MORN1: variants seen among roughly 807,000 people sequenced by gnomAD.
MORN1 encodes MORN repeat containing 1, also known as MORN repeat-containing protein 1.
Under a neutral mutation model 61.9 loss-of-function variants are expected in MORN1, and 67 were observed. That is an observed-to-expected ratio of 1.08 (90% confidence interval 0.89 to 1.33). The LOEUF is 1.33. MORN1 is among the 40% of genes most tolerant of loss of function. The pLI is 0.00. For missense variants in MORN1, 752 were observed against 691.2 expected, an observed-to-expected ratio of 1.09 and a Z score of -0.99; for synonymous variants, 301 against 292.0, an observed-to-expected ratio of 1.03 and a Z score of -0.31.
chr1:2,334,871 C>T lies in MORN1; in HGVS notation c.1250+1598G>A, dbSNP rs553535814. Among the ~76,000 whole-genome samples, 32 of 152,212 alleles carry T rather than the reference C, an allele frequency of 2.1e-4. No homozygotes were observed. The highest frequency in any genetic ancestry group is 3.9e-4 in the African/African-American group (16 of 41,466). On this transcript the variant is annotated intron_variant, in intron 12 of 13. Coordinates refer to ENST00000378531, the MANE Select transcript of MORN1 (RefSeq NM_024848.3). The surrounding 1 kb of genome is among the most constrained non-coding windows in gnomAD (Gnocchi z 5.4). ...TAAGACGTTCCAACATCACCCTCAG[C>T]GCGGAGGTTGCCACGGTTCTGGAGC...
chr1:2,385,326 A>C, intron 5 of MORN1: 1 of 539,420 alleles, frequency 1.9e-6, no homozygotes, highest in Non-Finnish European at 3.3e-6. Context: ...CAAAATGGGA[A>C]ATGACCCAGG....
chr1:2,330,783 C>T (rs991376048), intron 12 of MORN1, among the ~76,000 whole-genome samples: 6 of 152,100 alleles, frequency 3.9e-5, no homozygotes, highest in African/African-American at 1.2e-4. Context: ...TGATGGGGCT[C>T]GGGTGGCCAC....
chr1:2,341,605 C>T (rs529567611), intron 10 of MORN1, among the ~76,000 whole-genome samples: 32 of 151,690 alleles, frequency 2.1e-4, no homozygotes, highest in Admixed American at 5.9e-4. Context: ...GCACGAGAAT[C>T]GCTTGAACAC....
intron 8 of MORN1, among the ~76,000 whole-genome samples, chr1:2,362,211 G>A (rs1047658510): frequency 1.3e-5 from 2 of 152,204 alleles, no homozygotes; most frequent in Non-Finnish European, 2.9e-5. Flanking sequence ...CAGCCTGGGC[G>A]ACAGAGCGAG....
At chr1:2,384,314 T>C (rs1318429833) in intron 6 of MORN1, among the ~76,000 whole-genome samples, 1 of 152,176 alleles carries the variant, frequency 6.6e-6, no homozygotes, top group Non-Finnish European at 1.5e-5. Context: ...CCTCCAAACA[T>C]CCTGAAATTT....
intron 6 of MORN1, among the ~76,000 whole-genome samples, chr1:2,379,643 G>A (rs2100354967): frequency 6.6e-6 from 1 of 152,282 alleles, no homozygotes; most frequent in East Asian, 1.9e-4. Flanking sequence ...GCGCAGTGGT[G>A]GCCACGGCTG....
intron 4 of MORN1, chr1:2,386,937 T>C (rs940446552): frequency 1.2e-5 from 2 of 160,276 alleles, no homozygotes; most frequent in African/African-American, 4.8e-5. Flanking sequence ...GCCAACAGAA[T>C]GTGGAGGAAG....
Position 2,358,637 on chromosome 1 carries a change from A to G in MORN1, c.824T>C (p.Phe275Ser). Residue 275 changes from phenylalanine to serine, a missense_variant, in exon 9 of 14, where the codon TTC becomes TCC. Phe to Ser is a radical substitution (Grantham distance 155). Coordinates refer to ENST00000378531, the MANE Select transcript of MORN1 (RefSeq NM_024848.3). ...CTCTTGGTTGTCTCTGTCCACTTTGAAAAAGTTGACCTCAGAGTAGGCTGA... is the reference window on the plus strand; with the variant it reads ...CTCTTGGTTGTCTCTGTCCACTTTGGAAAAGTTGACCTCAGAGTAGGCTGA... ...QLSAYSEVNF[F>S]KVDRDNQETL... The G allele has an allele frequency of 6.2e-7, 1 of 1,614,074 alleles. No individual in the cohort carries two copies. Among genetic ancestry groups the G allele is most frequent in the Non-Finnish European group, 8.5e-7 (1 of 1,179,988 alleles).
chr1:2,380,828 G>C (rs985936155), intron 6 of MORN1, among the ~76,000 whole-genome samples: 1 of 152,214 alleles, frequency 6.6e-6, no homozygotes, highest in Non-Finnish European at 1.5e-5. Context: ...AGTGCTGAGA[G>C]TACAGGTGTG....
At chr1:2,382,467 C>G (rs1642394802) in intron 6 of MORN1, among the ~76,000 whole-genome samples, 1 of 152,208 alleles carries the variant, frequency 6.6e-6, no homozygotes, top group South Asian at 2.1e-4. Context: ...GCCCAAGCTC[C>G]AGAGCTGTGC....
At chr1:2,324,299 G>A (rs912427136) in intron 12 of MORN1, among the ~76,000 whole-genome samples, 156 bp from the exon 13 acceptor site, 1 of 152,190 alleles carries the variant, frequency 6.6e-6, no homozygotes. Context: ...TGGGCAGGAC[G>A]GGGAGAGTCC....
intron 8 of MORN1, among the ~76,000 whole-genome samples, chr1:2,361,777 A>T (rs1641895731): frequency 6.6e-6 from 1 of 152,176 alleles, no homozygotes; most frequent in African/African-American, 2.4e-5. Flanking sequence ...CCACATGTCA[A>T]TTCCGACTCC....
rs1021011809 is a variant in MORN1 at position 2,330,016 on chromosome 1, T to A, written c.1251-5873A>T. On this transcript the variant is annotated intron_variant, in intron 12 of 13. Coordinates refer to ENST00000378531, the MANE Select transcript of MORN1 (RefSeq NM_024848.3). ...CCGGGTGAGGGGGGACCCTGGCCTG[T>A]GCCCATGGGAACTGCCTATTTGCCC... Among the ~76,000 whole-genome samples the A allele has an allele frequency of 2.6e-5, 4 of 152,176 alleles. No individual in the cohort carries two copies. In the South Asian group the frequency reaches 8.3e-4, roughly 31 times the overall value.
intron 12 of MORN1, among the ~76,000 whole-genome samples, chr1:2,329,053 GTGCCC>G: frequency 6.6e-6 from 1 of 152,356 alleles, no homozygotes; most frequent in East Asian, 1.9e-4. Context: ...GGACACCCAG[GTGCCC>G]TGTCCCCAGT....
Position 2,383,592 on chromosome 1 carries a change from C to T in MORN1, c.537+1386G>A, listed in dbSNP as rs147083817. ...GTTGCGTTTCTCATCAAAGCAGCCC[C>T]GAGGCTCTAAGGAACGAGGGACTCC... is the stretch of plus-strand genomic sequence containing the variant. On this transcript the variant is annotated intron_variant, in intron 6 of 13. Coordinates refer to ENST00000378531, the MANE Select transcript of MORN1 (RefSeq NM_024848.3). Among the ~76,000 whole-genome samples the T allele has an allele frequency of 2.6e-3, 402 of 152,344 alleles. 4 individuals carry two copies. The highest frequency in any genetic ancestry group is 8.8e-3 in the African/African-American group (367 of 41,580).
chr1:2,373,580 G>A (rs1019888829), intron 7 of MORN1, among the ~76,000 whole-genome samples: 2 of 152,170 alleles, frequency 1.3e-5, no homozygotes, highest in African/African-American at 4.8e-5. Flanking sequence ...GGATCCAGGG[G>A]CCCCTCACGG....
chr1:2,382,216 C>T (rs1301813571), intron 6 of MORN1, among the ~76,000 whole-genome samples: 3 of 152,208 alleles, frequency 2.0e-5, no homozygotes, highest in African/African-American at 7.2e-5. Flanking sequence ...GCAGGCGGCA[C>T]CTCTGTGTCC....
At chr1:2,382,777 G>A (rs72923105) in intron 6 of MORN1, among the ~76,000 whole-genome samples, 2,153 of 152,274 alleles carry the variant, frequency 0.014, 49 homozygotes, top group African/African-American at 0.049. Flanking sequence ...ACCAGCCCAG[G>A]CCAGCAGGGG....
At chr1:2,382,619 C>G (rs1217158263) in intron 6 of MORN1, among the ~76,000 whole-genome samples, 1 of 152,226 alleles carries the variant, frequency 6.6e-6, no homozygotes, top group Non-Finnish European at 1.5e-5. Flanking sequence ...TAGGCGCACT[C>G]TCCCACTGCC....
Sources: gnomAD v4.1 joint callset for allele counts (sites outside exome capture counted in the v4.1 genomes callset) on GRCh38, gnomAD v4.1.1 for gene constraint, Gnocchi (gnomAD v3.1) non-coding constraint, MANE v1.5 for transcripts, NCBI Gene and HGNC (gene_info 2026-07-23, HGNC 2026-07-21) for gene names.